The following DYNC2H1 variants were observed in gnomAD, a reference collection of about 807,000 sequenced individuals.
The protein encoded by DYNC2H1 is cytoplasmic dynein 2 heavy chain 1.
A neutral mutation model predicts 570.0 loss-of-function variants in DYNC2H1; 410 were observed. The observed-to-expected ratio is 0.72, with a 90% CI of 0.66 to 0.78. DYNC2H1 has a LOEUF of 0.78. DYNC2H1 is among the 30% of genes least tolerant of loss of function. The probability of loss-of-function intolerance (pLI) is 0.00; values close to 1 mark genes in which losing one functional copy is unlikely to be tolerated. For missense variants in DYNC2H1, 4,865 were observed against 5,046.4 expected (o/e 0.96, Z 1.09); for synonymous variants, 1,688 against 1,677.6 (o/e 1.01, Z -0.15).
At chr11:103,161,116 TAGTCAATTTAG>T in intron 29 of DYNC2H1, 72 bp downstream of exon 29, 3 of 843,294 alleles carry the variant, frequency 3.6e-6, no homozygotes, top group African/African-American at 1.8e-5. Context: ...TAAAATAATT[TAGTCAATTTAG>T]AGGGTAAAGT....
chr11:103,219,946 G>T lies in DYNC2H1; in HGVS notation c.8864G>T (p.Arg2955Ile). Residue 2955 changes from arginine (R) to isoleucine (I), a missense_variant, in exon 56 of 89, where the codon AGA becomes ATA. By Grantham distance (97) the Arg-to-Ile change is moderately conservative (BLOSUM62 -3). This residue lies in a region of DYNC2H1 where 2,401 missense variants were observed against 2,454.6 expected (regional missense o/e 0.98). Coordinates refer to ENST00000375735, the MANE Select transcript of DYNC2H1 (RefSeq NM_001377.3). ...DASEQKTELE[R>I]LKHRIAEEVV... is the part of the protein sequence containing the mutation. ...AGTGAGCAAAAAACAGAACTTGAAA[G>T]ACTGAAGCACAGAATAGCAGAAGAA... 1 of 1,520,798 alleles carries T rather than the reference G, an allele frequency of 6.6e-7. No individual in the cohort carries two copies. Among genetic ancestry groups the T allele is most frequent in the South Asian group, 1.3e-5 (1 of 76,216 alleles). The allele number at this position is 1,520,798 out of a possible 1,614,324, so 94.2% of individuals were successfully genotyped here. A position where few individuals can be genotyped will look rare whatever the true frequency, so the allele number is the denominator to read the frequency against.
rs35142548 is a variant in DYNC2H1, at chr11:103,260,619, A to ATTT, written c.10695+657_10695+659dup. Among the ~76,000 whole-genome samples the ATTT allele has an allele frequency of 5.6e-3, 791 of 140,070 alleles. 16 individuals carry two copies. The highest frequency in any genetic ancestry group is 0.044 in the South Asian group (192 of 4,382). 91.9% of individuals were successfully genotyped at this position (140,070 alleles called of 152,430 possible). A position where few individuals can be genotyped will look rare whatever the true frequency, so the allele number is the denominator to read the frequency against. ...ACGCAGAGGCCTTTTTGTACTTAGA[A>ATTT]TTTTTTTTTTTTTTTTTGGAGACAG... On this transcript the variant is annotated intron_variant, in intron 70 of 88. Coordinates refer to ENST00000375735, the MANE Select transcript of DYNC2H1 (RefSeq NM_001377.3).
intron 82 of DYNC2H1, among the ~76,000 whole-genome samples, chr11:103,331,509 C>T (rs1056420773): frequency 6.6e-6 from 1 of 152,150 alleles, no homozygotes; most frequent in Non-Finnish European, 1.5e-5. Context: ...CAAATCCAGC[C>T]CAACTCCTCA....
intron 85 of DYNC2H1, among the ~76,000 whole-genome samples, chr11:103,442,300 A>C: frequency 6.6e-6 from 1 of 152,128 alleles, no homozygotes; most frequent in East Asian, 1.9e-4. Flanking sequence ...GATAGCAAAC[A>C]AATAAATATG....
Position 103,220,734 on chromosome 11 carries a change from G to A in DYNC2H1, c.9058G>A (p.Val3020Ile). ...PDVIRDILEGVLRLMGIFDTS... is the reference protein window; with the variant it reads ...PDVIRDILEGILRLMGIFDTS... The stretch of plus-strand genomic sequence containing the variant: ...TGTAATTAGAGATATTCTTGAAGGA[G>A]TTTTAAGGTTGATGGGTATCTTTGA... The change falls in exon 57 of 89, where the codon GTT (valine) becomes ATT (isoleucine). Residue 3020 changes from valine to isoleucine, a missense_variant. Around this residue, in one of 5 missense-constraint regions of DYNC2H1, gnomAD observed 2,401 missense variants for 2,454.6 expected, o/e 0.98. Coordinates refer to ENST00000375735, the MANE Select transcript of DYNC2H1 (RefSeq NM_001377.3). 6.2e-7 allele frequency: 1 copy of A among 1,612,860 alleles called. No individual in the cohort carries two copies. Among genetic ancestry groups the A allele is most frequent in the Non-Finnish European group, 8.5e-7 (1 of 1,179,234 alleles).
chr11:103,265,917 G>C (rs958020093), intron 70 of DYNC2H1, among the ~76,000 whole-genome samples: 5 of 152,160 alleles, frequency 3.3e-5, no homozygotes, highest in African/African-American at 1.2e-4. Context: ...AGCTGCTTTT[G>C]TTTCTGGAAG....
rs995531136 is a variant in DYNC2H1, at chr11:103,277,966, A to T, written c.10696-2382A>T. On this transcript the variant is annotated intron_variant, in intron 70 of 88. Coordinates refer to ENST00000375735, the MANE Select transcript of DYNC2H1 (RefSeq NM_001377.3). This position sits in a 1 kb window ranked among gnomAD's most constrained non-coding sequence, Gnocchi z 4.3. ...CAAGTTTTAGAAAGAAAGAAATCTC[A>T]TTGTTAATATTTCTCCTTATGTTGG... Among the ~76,000 whole-genome samples the T allele has an allele frequency of 6.6e-6, 1 of 152,144 alleles. No individual in the cohort carries two copies. The highest frequency in any genetic ancestry group is 2.4e-5 in the African/African-American group (1 of 41,430).
At chr11:103,117,925 A>G in intron 6 of DYNC2H1, 62 bp downstream of exon 6, 4 of 1,371,070 alleles carry the variant, frequency 2.9e-6, no homozygotes, top group Non-Finnish European at 3.9e-6. Context: ...ACTTGTTTGT[A>G]AATGTATTTT....
Position 103,280,246 on chromosome 11 carries a change from T to G in DYNC2H1, c.10696-102T>G, listed in dbSNP as rs138070569. 207 of 1,143,144 alleles carry G rather than the reference T, an allele frequency of 1.8e-4. No homozygotes were observed. The African/African-American group carries it at 2.8e-3, about 15-fold the overall frequency. The allele number at this position is 1,143,144 out of a possible 1,614,324, so 70.8% of individuals were successfully genotyped here. ...TACATCGATAAAAAAGTAGGTCATA[T>G]GAAGACAGAATAGAGATTTTTGTGT... On this transcript the variant is annotated intron_variant, in intron 70 of 88. Coordinates refer to ENST00000375735, the MANE Select transcript of DYNC2H1 (RefSeq NM_001377.3). This position sits in a 1 kb window ranked among gnomAD's most constrained non-coding sequence, Gnocchi z 4.7.
rs1374230718 is a variant in DYNC2H1 at position 103,245,122 on chromosome 11, T to C, written c.9919-129T>C. 2.6e-6 allele frequency: 2 copies of C among 766,966 alleles called. No individual in the cohort carries two copies. The highest frequency in any genetic ancestry group is 3.9e-6 in the Non-Finnish European group (2 of 513,802). The allele number at this position is 766,966 out of a possible 1,614,324, so 47.5% of individuals were successfully genotyped here. On this transcript the variant is annotated intron_variant, in intron 64 of 88. Transcript: ENST00000375735. The surrounding 1 kb of genome is among the most constrained non-coding windows in gnomAD (Gnocchi z 4.5). ...TCTTATTAATACTTGGGTGAGTAAT[T>C]TATTACCTATAGAATCTGAAATTGT...
In DYNC2H1 at chr11:103,109,476, T is replaced by C. The variant is rs1858003924; in HGVS notation, c.-99T>C. On this transcript the variant is annotated 5_prime_UTR_variant, in exon 1 of 89. Coordinates refer to ENST00000375735, the MANE Select transcript of DYNC2H1 (RefSeq NM_001377.3). ...AAGCTCTGCGGTCCCGCGGTCGGGC[T>C]ACGGGTTTGAGCAAAGCTCCTCTCT... 2 of 1,224,816 alleles carry C rather than the reference T, an allele frequency of 1.6e-6. No individual in the cohort carries two copies. The highest frequency in any genetic ancestry group is 2.3e-6 in the Non-Finnish European group (2 of 885,088). 75.9% of individuals were successfully genotyped at this position (1,224,816 alleles called of 1,614,324 possible).
chr11:103,349,536 GTAT>G (rs367625861), intron 82 of DYNC2H1, among the ~76,000 whole-genome samples: 6 of 152,096 alleles, frequency 3.9e-5, no homozygotes, highest in African/African-American at 1.4e-4. Flanking sequence ...ATCTTATTTA[GTAT>G]TAACCAGTTA....
chr11:103,156,620 C>A lies in DYNC2H1; in HGVS notation c.3977C>A (p.Ser1326Ter). ...PYYKGFEDKVSIWERKLAELD... is the reference protein window; with the variant it reads ...PYYKGFEDKV ...TATAAAGGATTTGAAGATAAAGTAT[C>A]AATTTGGGAAAGAAAACTTGCAGAG... The change falls in exon 26 of 89, where the codon TCA becomes TAA. Residue 1326 changes from serine to a stop codon, truncating the protein, a stop_gained. Transcript: ENST00000375735. LOFTEE classifies it high-confidence loss of function. The A allele has an allele frequency of 6.2e-7, 1 of 1,613,476 alleles. No individual in the cohort carries two copies. Among genetic ancestry groups the A allele is most frequent in the Middle Eastern group, 1.7e-4 (1 of 6,060 alleles).
Position 103,128,905 on chromosome 11 carries a change from T to C in DYNC2H1, c.1858-5T>C. ...ATTATTACTAATTGGACTTTTACTTTGTAGGTGGCACATTTTTATAATTCT... is the reference window on the plus strand; with the variant it reads ...ATTATTACTAATTGGACTTTTACTTCGTAGGTGGCACATTTTTATAATTCT... On this transcript the variant is annotated splice_region_variant and splice_polypyrimidine_tract_variant and intron_variant, in intron 12 of 88. Coordinates refer to ENST00000375735, the MANE Select transcript of DYNC2H1 (RefSeq NM_001377.3). The C allele has an allele frequency of 6.4e-7, 1 of 1,571,224 alleles. No homozygotes were observed. Among genetic ancestry groups the C allele is most frequent in the South Asian group, 1.2e-5 (1 of 80,262 alleles).
intron 83 of DYNC2H1, among the ~76,000 whole-genome samples, chr11:103,377,947 G>A (rs1184096152): frequency 6.7e-6 from 1 of 149,544 alleles, no homozygotes; most frequent in African/African-American, 2.5e-5. Flanking sequence ...ATGTTGGCCA[G>A]CTGGTCTCGA....
intron 70 of DYNC2H1, among the ~76,000 whole-genome samples, chr11:103,270,326 T>C (rs929703971): frequency 6.6e-6 from 1 of 152,102 alleles, no homozygotes; most frequent in African/African-American, 2.4e-5. Context: ...CCTAGGACTG[T>C]AGATAGTACC....
rs999186987 is a variant in DYNC2H1 at position 103,324,541 on chromosome 11, G to T, written c.12039+551G>T. Among the ~76,000 whole-genome samples, 2 of 152,122 alleles carry T rather than the reference G, an allele frequency of 1.3e-5. No individual in the cohort carries two copies. The highest frequency in any genetic ancestry group is 2.9e-5 in the Non-Finnish European group (2 of 68,016). ...TTCACTTCCTTGCTGCAAAGGACAT[G>T]GTCTTGTTCTTTTCTTATGTTGCAT... On this transcript the variant is annotated intron_variant, in intron 82 of 88. Coordinates refer to ENST00000375735, the MANE Select transcript of DYNC2H1 (RefSeq NM_001377.3). This position sits in a 1 kb window ranked among gnomAD's most constrained non-coding sequence, Gnocchi z 5.2.
intron 75 of DYNC2H1, among the ~76,000 whole-genome samples, chr11:103,296,987 A>G (rs546261297): frequency 6.1e-4 from 92 of 151,630 alleles, no homozygotes; most frequent in African/African-American, 2.0e-3. Flanking sequence ...TAAGTGTTAG[A>G]GTACTTTTCT....
chr11:103,304,214 A>G (rs572123538), intron 76 of DYNC2H1, among the ~76,000 whole-genome samples: 2 of 152,180 alleles, frequency 1.3e-5, no homozygotes, highest in African/African-American at 4.8e-5. Context: ...ATATAAATGA[A>G]AGATAGCAAA....
Sources: allele counts gnomAD v4.1 joint callset (sites outside exome capture counted in the v4.1 genomes callset), GRCh38; gene constraint gnomAD v4.1.1; regional missense constraint gnomAD v4.1.1; non-coding constraint Gnocchi (gnomAD v3.1); transcripts MANE v1.5; gene names NCBI Gene and HGNC (gene_info 2026-07-23, HGNC 2026-07-21).